Variants in ARID3B observed in about 807,000 individuals in gnomAD.
The protein encoded by ARID3B is AT-rich interactive domain-containing protein 3B.
ARID3B carries 10 observed loss-of-function variants against 51.9 expected under a neutral mutation model. That is an observed-to-expected ratio of 0.19 (90% CI 0.12 to 0.33). The LOEUF is 0.33. ARID3B is among the 10% of genes least tolerant of loss of function. The pLI, the probability that ARID3B is intolerant of heterozygous loss-of-function variation, is 1.00. For missense variants in ARID3B, 483 were observed against 716.3 expected, an observed-to-expected ratio of 0.67 and a Z score of 3.72; for synonymous variants, 205 against 279.5, an observed-to-expected ratio of 0.73 and a Z score of 2.66.
rs2061805245 is a variant in ARID3B at position 74,591,867 on chromosome 15, C to CA, written c.1420+54dup. On this transcript the variant is annotated intron_variant, in intron 7 of 8. Transcript: ENST00000346246. This position sits in a 1 kb window ranked among gnomAD's most constrained non-coding sequence, Gnocchi z 5.8. ...CCTTCCTGGAAACCCCAAGCCCATT[C>CA]ACGCCTCCTGGGACTGGTGGGGCAG... The CA allele has an allele frequency of 1.3e-6, 2 of 1,585,112 alleles. No individual in the cohort carries two copies. Among genetic ancestry groups the CA allele is most frequent in the Admixed American group, 1.7e-5 (1 of 58,552 alleles).
At chr15:74,585,347 C>T (rs988045446) in intron 4 of ARID3B, among the ~76,000 whole-genome samples, 1 of 152,198 alleles carries the variant, frequency 6.6e-6, no homozygotes, top group African/African-American at 2.4e-5. Flanking sequence ...GCCAGAGACC[C>T]CTTGCTCCCT....
chr15:74,546,161 C>G (rs887353344), intron 2 of ARID3B, among the ~76,000 whole-genome samples: 1 of 152,246 alleles, frequency 6.6e-6, no homozygotes, highest in Non-Finnish European at 1.5e-5. Flanking sequence ...AGAATCCCAA[C>G]TTCCACGACA....
intron 2 of ARID3B, among the ~76,000 whole-genome samples, chr15:74,568,394 C>A (rs535243871): frequency 3.3e-4 from 51 of 152,322 alleles, no homozygotes; most frequent in African/African-American, 1.1e-3. Flanking sequence ...TATGGTGTAA[C>A]AGCGAGAGCC....
At chr15:74,547,434 T>C (rs1370134553) in intron 2 of ARID3B, among the ~76,000 whole-genome samples, 1 of 152,190 alleles carries the variant, frequency 6.6e-6, no homozygotes, top group African/African-American at 2.4e-5. Context: ...CCGCCCGTCC[T>C]GGCCTCCCAA....
Position 74,544,121 on chromosome 15 carries a change from G to C in ARID3B, c.185G>C (p.Gly62Ala), listed in dbSNP as rs776667423. The change falls in exon 2 of 9, where the codon GGC becomes GCC. Residue 62 changes from glycine (G) to alanine (A), a missense_variant. Gly to Ala is a moderately conservative substitution (Grantham distance 60). Transcript: ENST00000346246. ...TCCGCCACAGCTGGGAGACCTTCTG[G>C]CAGCACTCCCTTAGGTCCCTTAGCC... Reference protein sequence around the residue: ...LLSATAGRPSGSTPLGPLARV... With the variant: ...LLSATAGRPSASTPLGPLARV... The C allele has an allele frequency of 1.9e-6, 3 of 1,613,828 alleles. No homozygotes were observed. The African/African-American group carries it at 4.0e-5, about 22-fold the overall frequency.
intron 2 of ARID3B, 104 bp downstream of exon 2, chr15:74,544,592 C>G: frequency 8.3e-7 from 1 of 1,202,228 alleles, no homozygotes; most frequent in Admixed American, 2.4e-5. Flanking sequence ...CTTCTCACCC[C>G]ACTTCGGTGA....
In ARID3B at chr15:74,541,244, T is replaced by TGCGGAGGAGTCCGAGACGCAGCTGCC. The variant is rs1267591698; in HGVS notation, c.-160_-135dup. On this transcript the variant is annotated 5_prime_UTR_variant, in exon 1 of 9. Coordinates refer to ENST00000346246, the MANE Select transcript of ARID3B (RefSeq NM_006465.4). ...CCCCGCCCCGGCTGTGGCCCCCGGC[T>TGCGGAGGAGTCCGAGACGCAGCTGCC]GCGGAGGAGTCCGAGACGCAGCTGC... 5 of 148,074 alleles carry TGCGGAGGAGTCCGAGACGCAGCTGCC rather than the reference T, an allele frequency of 3.4e-5. No individual in the cohort carries two copies. Among genetic ancestry groups the TGCGGAGGAGTCCGAGACGCAGCTGCC allele is most frequent in the African/African-American group, 4.9e-5 (2 of 40,422 alleles). The allele number at this position is 148,074 out of a possible 1,614,324, so 9.2% of individuals were successfully genotyped here.
intron 2 of ARID3B, among the ~76,000 whole-genome samples, chr15:74,558,003 A>G (rs1280239033): frequency 1.3e-5 from 2 of 151,446 alleles, no homozygotes; most frequent in Non-Finnish European, 2.9e-5. Flanking sequence ...TTGTATTTTT[A>G]GTAGAGACAG....
Position 74,595,721 on chromosome 15 carries a change from A to G in ARID3B, c.1630A>G (p.Thr544Ala), listed in dbSNP as rs778106225. 5 of 1,612,648 alleles carry G rather than the reference A, an allele frequency of 3.1e-6. No individual in the cohort carries two copies. The highest frequency in any genetic ancestry group is 2.5e-6 in the Non-Finnish European group (3 of 1,179,080). Residue 544 changes from threonine to alanine, a missense_variant, in exon 9 of 9, where the codon ACC becomes GCC. This residue lies in a region of ARID3B where 265 missense variants were observed against 354.4 expected (regional missense o/e 0.75). Coordinates refer to ENST00000346246, the MANE Select transcript of ARID3B (RefSeq NM_006465.4). Reference sequence around the variant, plus strand: ...CAGCTCTCACTGTTCACCAAGTCCTACCTCATCCCGGGGCACCCCCAGCGC... The same window carrying G: ...CAGCTCTCACTGTTCACCAAGTCCTGCCTCATCCCGGGGCACCCCCAGCGC... ...SSSSHCSPSP[T>A]SSRGTPSAEP...
chr15:74,543,876 C>G lies in ARID3B; in HGVS notation c.-61C>G. 6.5e-7 allele frequency: 1 copy of G among 1,545,226 alleles called. No individual in the cohort carries two copies. Among genetic ancestry groups the G allele is most frequent in the Non-Finnish European group, 8.7e-7 (1 of 1,143,534 alleles). ...ATCACTAAGGTTTAGACCCAGTGTGCCTGGTGGGCTGTGCCCAGGTTCAGA... is the reference window on the plus strand; with the variant it reads ...ATCACTAAGGTTTAGACCCAGTGTGGCTGGTGGGCTGTGCCCAGGTTCAGA... On this transcript the variant is annotated 5_prime_UTR_variant, in exon 2 of 9. Transcript: ENST00000346246.
intron 2 of ARID3B, among the ~76,000 whole-genome samples, chr15:74,557,741 C>T (rs1464399607): frequency 6.7e-6 from 1 of 149,384 alleles, no homozygotes; most frequent in Admixed American, 6.7e-5. Flanking sequence ...CTTTTTCTCT[C>T]TTGTAGCTTT....
intron 2 of ARID3B, among the ~76,000 whole-genome samples, chr15:74,570,524 TAGAG>T (rs1005554336): frequency 2.2e-5 from 3 of 133,876 alleles, no homozygotes; most frequent in African/African-American, 8.3e-5. Flanking sequence ...TGGTGACTGA[TAGAG>T]AAAGAGTCCT....
chr15:74,587,632 T>A (rs2061786185), intron 4 of ARID3B, among the ~76,000 whole-genome samples: 1 of 152,092 alleles, frequency 6.6e-6, no homozygotes, highest in Non-Finnish European at 1.5e-5. Flanking sequence ...ACACTCCAGG[T>A]AATGCCTTGG....
intron 8 of ARID3B, 73 bp from the exon 9 acceptor site, chr15:74,595,538 T>C (rs543217166): frequency 1.3e-6 from 2 of 1,533,746 alleles, no homozygotes; most frequent in Non-Finnish European, 1.8e-6. Context: ...CAGCGGTGAA[T>C]ACTTACTGAA....
intron 2 of ARID3B, among the ~76,000 whole-genome samples, chr15:74,562,550 G>A (rs1458842815): frequency 6.6e-6 from 1 of 152,124 alleles, no homozygotes; most frequent in African/African-American, 2.4e-5. Context: ...GCAGTGGTGT[G>A]ATTGCTGCTC....
intron 2 of ARID3B, among the ~76,000 whole-genome samples, chr15:74,555,497 T>C (rs1018815050): frequency 2.6e-5 from 4 of 152,108 alleles, no homozygotes; most frequent in Admixed American, 2.6e-4. Flanking sequence ...GCCCAACTAA[T>C]TTTTAAAAAT....
At chr15:74,557,174 G>A (rs940627941) in intron 2 of ARID3B, among the ~76,000 whole-genome samples, 2 of 151,668 alleles carry the variant, frequency 1.3e-5, no homozygotes, top group South Asian at 2.1e-4. Flanking sequence ...CAGCACTTTC[G>A]GAGGCCAACG....
chr15:74,559,648 T>G (rs1363189419), intron 2 of ARID3B, among the ~76,000 whole-genome samples: 2 of 152,190 alleles, frequency 1.3e-5, no homozygotes, highest in Non-Finnish European at 2.9e-5. Context: ...ATATTCCCTC[T>G]TGCTCCCTTC....
chr15:74,590,331 G>C (rs2061798510), intron 5 of ARID3B, among the ~76,000 whole-genome samples: 1 of 152,216 alleles, frequency 6.6e-6, no homozygotes, highest in Non-Finnish European at 1.5e-5. Context: ...ATACCAGCCA[G>C]TAAGTGGTAG....
Sources: allele counts gnomAD v4.1 joint callset (sites outside exome capture counted in the v4.1 genomes callset), GRCh38; gene constraint gnomAD v4.1.1; regional missense constraint gnomAD v4.1.1; non-coding constraint Gnocchi (gnomAD v3.1); transcripts MANE v1.5; gene names NCBI Gene and HGNC (gene_info 2026-07-23, HGNC 2026-07-21).